KCNT2: variants seen among roughly 807,000 people sequenced by gnomAD.
The protein encoded by KCNT2 is potassium sodium-activated channel subfamily T member 2, also known as potassium channel subfamily T member 2.
In KCNT2, 67 loss-of-function variants were observed where a neutral mutation model predicts 153.8. The observed-to-expected ratio is 0.44, with a 90% CI of 0.36 to 0.53. The LOEUF (loss-of-function observed/expected upper bound fraction) is 0.53, where lower values mean the gene tolerates loss of function less well. Among genes scored for constraint, KCNT2 ranks in the 20% least tolerant of loss-of-function variants. KCNT2 has a pLI of 0.00. For missense variants in KCNT2, 975 were observed against 1,354.8 expected (o/e 0.72, Z 4.40); for synonymous variants, 500 against 458.8 (o/e 1.09, Z -1.15).
intron 21 of KCNT2, among the ~76,000 whole-genome samples, chr1:196,309,500 T>C (rs1004955513): frequency 2.0e-5 from 3 of 151,908 alleles, no homozygotes; most frequent in Non-Finnish European, 2.9e-5. Context: ...ATTTACGTGA[T>C]GTGCCTCCCA....
At chr1:196,437,061 A>G (rs1674738131) in intron 8 of KCNT2, among the ~76,000 whole-genome samples, 2 of 89,470 alleles carry the variant, frequency 2.2e-5, no homozygotes, top group East Asian at 5.8e-4. Flanking sequence ...ATATTTATAT[A>G]CATAAATATA....
intron 8 of KCNT2, among the ~76,000 whole-genome samples, chr1:196,447,373 A>G (rs548361081): frequency 6.6e-6 from 1 of 151,798 alleles, no homozygotes; most frequent in South Asian, 2.1e-4. Context: ...TAAGTAAAGA[A>G]CATACAAGGA....
intron 1 of KCNT2, among the ~76,000 whole-genome samples, chr1:196,589,264 A>AAGT (rs1553260729): frequency 9.3e-5 from 14 of 150,528 alleles, no homozygotes; most frequent in African/African-American, 3.2e-4. Flanking sequence ...TATAAAAAAA[A>AAGT]GTGTGTGTGT....
intron 22 of KCNT2, among the ~76,000 whole-genome samples, chr1:196,289,100 T>C (rs1191632904): frequency 6.6e-6 from 1 of 152,076 alleles, no homozygotes; most frequent in Non-Finnish European, 1.5e-5. Context: ...GATATTTTTA[T>C]TATCAGTTGT....
chr1:196,339,038 A>C (rs749516143), intron 16 of KCNT2, among the ~76,000 whole-genome samples: 7 of 151,344 alleles, frequency 4.6e-5, no homozygotes, highest in Non-Finnish European at 1.0e-4. Flanking sequence ...TAATTTGAAT[A>C]TGCTGTGCCA....
In KCNT2 at chr1:196,386,823, T is replaced by C. The variant is rs1261083366; in HGVS notation, c.1294+11740A>G. 2.0e-5 allele frequency among the ~76,000 whole-genome samples: 3 copies of C among 152,106 alleles called. No individual in the cohort carries two copies. The East Asian group carries it at 5.8e-4, about 29-fold the overall frequency. ...GATTATACAGCATAGCTTGATGGCT[T>C]AAATGAGAATTTGTTATGAATGAAA... On this transcript the variant is annotated intron_variant, in intron 13 of 27. Coordinates refer to ENST00000294725, the MANE Select transcript of KCNT2 (RefSeq NM_198503.5).
At chr1:196,284,458 C>A (rs554043223) in intron 23 of KCNT2, among the ~76,000 whole-genome samples, 4 of 150,744 alleles carry the variant, frequency 2.7e-5, no homozygotes, top group East Asian at 2.0e-4. Context: ...GATTTCCTTA[C>A]AAGATTTTAT....
At position 196,227,168 on chromosome 1, in the gene KCNT2, A is replaced by T. The variant is rs917665828; in HGVS notation, c.*1056T>A. ...AGCTCATATATACGATTTCAAAATT[A>T]AGTCAAAAATTTTAATACATCCTTC... On this transcript the variant is annotated 3_prime_UTR_variant, in exon 28 of 28. Transcript: ENST00000294725. 7.2e-5 allele frequency: 11 copies of T among 152,040 alleles called. No individual in the cohort carries two copies. The highest frequency in any genetic ancestry group is 2.6e-4 in the Admixed American group (4 of 15,262). The allele number at this position is 152,040 out of a possible 1,614,324, so 9.4% of individuals were successfully genotyped here.
intron 14 of KCNT2, among the ~76,000 whole-genome samples, chr1:196,368,392 A>G (rs1668221191): frequency 6.6e-6 from 1 of 152,136 alleles, no homozygotes; most frequent in Non-Finnish European, 1.5e-5. Context: ...GTACATAGAA[A>G]AAGCTTTCCT....
At chr1:196,436,690 T>C (rs1471921423) in intron 8 of KCNT2, among the ~76,000 whole-genome samples, 1 of 151,254 alleles carries the variant, frequency 6.6e-6, no homozygotes, top group African/African-American at 2.4e-5. Context: ...TGGTGAGTTC[T>C]TATTTTGTGT....
chr1:196,351,849 G>T (rs1213863848), intron 14 of KCNT2, among the ~76,000 whole-genome samples: 1 of 152,046 alleles, frequency 6.6e-6, no homozygotes, highest in African/African-American at 2.4e-5. Flanking sequence ...GTTTGTCATA[G>T]ATAGCTCTTA....
At chr1:196,340,950 A>G (rs184225135) in intron 15 of KCNT2, among the ~76,000 whole-genome samples, 1 of 152,076 alleles carries the variant, frequency 6.6e-6, no homozygotes, top group African/African-American at 2.4e-5. Context: ...AAGGAAAGAA[A>G]CTTACCCATG....
At chr1:196,387,505 A>G (rs1447188504) in intron 13 of KCNT2, among the ~76,000 whole-genome samples, 1 of 151,880 alleles carries the variant, frequency 6.6e-6, no homozygotes, top group Non-Finnish European at 1.5e-5. Flanking sequence ...CTTAATAGCC[A>G]TCTAAGCACT....
At chr1:196,448,555 T>C (rs1457960609) in intron 8 of KCNT2, among the ~76,000 whole-genome samples, 1 of 151,548 alleles carries the variant, frequency 6.6e-6, no homozygotes, top group Non-Finnish European at 1.5e-5. Context: ...CTGGAAGCTT[T>C]TTATAATGTT....
chr1:196,574,611 A>C (rs969845671), intron 1 of KCNT2, among the ~76,000 whole-genome samples: 5 of 151,986 alleles, frequency 3.3e-5, no homozygotes, highest in African/African-American at 1.2e-4. Context: ...TTCTAAGGGA[A>C]ATAATTTCTT....
chr1:196,250,013 G>A (rs905550852), intron 26 of KCNT2, among the ~76,000 whole-genome samples: 22 of 151,920 alleles, frequency 1.4e-4, no homozygotes, highest in African/African-American at 5.1e-4. Context: ...TTGTTAAAAT[G>A]CCCATACTAT....
chr1:196,558,228 A>T (rs1193524553), intron 1 of KCNT2, among the ~76,000 whole-genome samples: 1 of 151,528 alleles, frequency 6.6e-6, no homozygotes, highest in Non-Finnish European at 1.5e-5. Context: ...TTGTGCATGT[A>T]ACTCTCAAAT....
intron 26 of KCNT2, among the ~76,000 whole-genome samples, chr1:196,239,499 T>C (rs945907110): frequency 2.6e-5 from 4 of 152,010 alleles, no homozygotes; most frequent in African/African-American, 9.7e-5. Context: ...TTAGAGTAGT[T>C]TGTGTAAATA....
At chr1:196,463,014 G>T (rs528662040) in intron 8 of KCNT2, among the ~76,000 whole-genome samples, 7 of 151,588 alleles carry the variant, frequency 4.6e-5, no homozygotes, top group African/African-American at 1.2e-4. Context: ...GACTTAGGAC[G>T]TACTTGCAAG....
Sources: gnomAD v4.1 joint callset for allele counts (sites outside exome capture counted in the v4.1 genomes callset) on GRCh38, gnomAD v4.1.1 for gene constraint, MANE v1.5 for transcripts, NCBI Gene and HGNC (gene_info 2026-07-23, HGNC 2026-07-21) for gene names.